Variants in PRKACB observed in about 807,000 individuals in gnomAD.
The protein encoded by PRKACB is cAMP-dependent protein kinase catalytic subunit beta.
In PRKACB, 16 loss-of-function variants were observed where a neutral mutation model predicts 51.4. The ratio of observed to expected loss-of-function variants is 0.31; its 90% CI spans 0.21 to 0.47. The LOEUF (loss-of-function observed/expected upper bound fraction) is 0.47, where lower values mean the gene tolerates loss of function less well. PRKACB is among the 20% of genes least tolerant of loss of function. PRKACB has a pLI of 1.00. For missense variants in PRKACB, 309 were observed against 464.5 expected, an observed-to-expected ratio of 0.67 and a Z score of 3.08; for synonymous variants, 147 against 154.4, an observed-to-expected ratio of 0.95 and a Z score of 0.35.
At chr1:84,180,381 G>T (rs1663005053) in intron 2 of PRKACB, among the ~76,000 whole-genome samples, 1 of 150,738 alleles carries the variant, frequency 6.6e-6, no homozygotes, top group Admixed American at 6.6e-5. Context: ...GGACACAAAG[G>T]CATAAGAATG....
At chr1:84,083,240 C>G (rs557263195) in intron 1 of PRKACB, among the ~76,000 whole-genome samples, 3 of 152,126 alleles carry the variant, frequency 2.0e-5, no homozygotes, top group African/African-American at 7.2e-5. Context: ...CTGGGGAAGT[C>G]TTTCTTGGGT....
chr1:84,151,909 C>A (rs941324996), intron 1 of PRKACB, among the ~76,000 whole-genome samples: 3 of 152,160 alleles, frequency 2.0e-5, no homozygotes, highest in Admixed American at 1.3e-4. Flanking sequence ...ATATTCTGAC[C>A]TCCTCCCATA....
intron 8 of PRKACB, among the ~76,000 whole-genome samples, chr1:84,205,877 T>A (rs2101500510): frequency 6.6e-6 from 1 of 152,202 alleles, no homozygotes; most frequent in South Asian, 2.1e-4. Flanking sequence ...GTCTACAAAT[T>A]CATAGTTGAA....
intron 1 of PRKACB, among the ~76,000 whole-genome samples, chr1:84,151,881 A>C (rs1209129000): frequency 6.6e-6 from 1 of 152,174 alleles, no homozygotes; most frequent in Non-Finnish European, 1.5e-5. Context: ...AACTTCTTCC[A>C]AACTCCTGTT....
chr1:84,200,928 A>G (rs1464990485), intron 7 of PRKACB, among the ~76,000 whole-genome samples: 2 of 152,134 alleles, frequency 1.3e-5, no homozygotes, highest in East Asian at 1.9e-4. Flanking sequence ...TAAATGTACC[A>G]TAAAATATGT....
At chr1:84,192,756 T>C (rs978430792) in intron 5 of PRKACB, among the ~76,000 whole-genome samples, 7 of 152,194 alleles carry the variant, frequency 4.6e-5, no homozygotes, top group Admixed American at 2.6e-4. Context: ...CTTTTAGTTT[T>C]GTTGTAAGAA....
chr1:84,078,122 CTGCTGCTGCCGG>C (rs1453088753), upstream of PRKACB: 28 of 488,010 alleles, frequency 5.7e-5, no homozygotes, highest in Non-Finnish European at 9.5e-5. Flanking sequence ...GCCGCCGCCG[CTGCTGCTGCCGG>C]TGCTAAGGAG....
chr1:84,184,577 TACC>T (rs1664535924), intron 4 of PRKACB, among the ~76,000 whole-genome samples: 1 of 151,932 alleles, frequency 6.6e-6, no homozygotes, highest in Admixed American at 6.6e-5. Context: ...TGAAAAATTG[TACC>T]ACATTTATTA....
At chr1:84,181,580 A>T (rs1663485469) in intron 2 of PRKACB, 3 of 866,316 alleles carry the variant, frequency 3.5e-6, no homozygotes, top group Non-Finnish European at 4.7e-6. Flanking sequence ...AGAATGAGGA[A>T]CTCTTCTTTC....
rs1258371000 is a variant in PRKACB at position 84,237,387 on chromosome 1, A to G, written c.*2082A>G. The G allele has an allele frequency of 6.6e-6, 1 of 152,602 alleles. No individual in the cohort carries two copies. The highest frequency in any genetic ancestry group is 1.5e-5 in the Non-Finnish European group (1 of 67,986). 9.5% of individuals were successfully genotyped at this position (152,602 alleles called of 1,614,324 possible). ...ATGGGGATGACAATTTGATTATTAC[A>G]ATTTAGTTTTCAGTAATCAAAAAGA... On this transcript the variant is annotated 3_prime_UTR_variant, in exon 10 of 10. Coordinates refer to ENST00000370685, the MANE Select transcript of PRKACB (RefSeq NM_182948.4).
chr1:84,199,098 CATATATGTATATATATGCATATATAT>C (rs1286682722), intron 7 of PRKACB, among the ~76,000 whole-genome samples: 14 of 79,562 alleles, frequency 1.8e-4, no homozygotes, highest in Non-Finnish European at 3.1e-4. Context: ...CGTATATATG[CATATATGTATATATATGCATATATAT>C]ATATATATAC....
chr1:84,122,779 A>T (rs1438117496), intron 1 of PRKACB, among the ~76,000 whole-genome samples: 3 of 152,098 alleles, frequency 2.0e-5, no homozygotes, highest in African/African-American at 7.2e-5. Flanking sequence ...GGGAAAATGG[A>T]TATTAGTTTC....
chr1:84,169,246 A>C (rs1658570766), intron 1 of PRKACB, among the ~76,000 whole-genome samples: 1 of 151,648 alleles, frequency 6.6e-6, no homozygotes, highest in Admixed American at 6.6e-5. Flanking sequence ...AGGAGAGTAT[A>C]AACACAAAAA....
intron 8 of PRKACB, among the ~76,000 whole-genome samples, chr1:84,212,455 T>A (rs955670466): frequency 3.3e-5 from 5 of 152,124 alleles, no homozygotes; most frequent in Non-Finnish European, 7.4e-5. Context: ...TTTGAGAACA[T>A]GAGAATGTAT....
intron 1 of PRKACB, among the ~76,000 whole-genome samples, chr1:84,121,551 T>G (rs1037393423): frequency 6.6e-6 from 1 of 152,138 alleles, no homozygotes; most frequent in Non-Finnish European, 1.5e-5. Flanking sequence ...GCCACTCCAT[T>G]AGCACCTGAC....
intron 9 of PRKACB, among the ~76,000 whole-genome samples, chr1:84,230,087 C>A (rs368144664): frequency 6.6e-6 from 1 of 151,524 alleles, no homozygotes; most frequent in South Asian, 2.1e-4. Context: ...AAGTCTTTAA[C>A]CCATCTTGAA....
At chr1:84,150,062 C>A (rs1287043451) in intron 1 of PRKACB, among the ~76,000 whole-genome samples, 2 of 151,914 alleles carry the variant, frequency 1.3e-5, no homozygotes, top group African/African-American at 2.4e-5. Context: ...GTCAGGAGTT[C>A]AACAACAGCC....
At chr1:84,214,556 A>C (rs948948558) in intron 9 of PRKACB, among the ~76,000 whole-genome samples, 1 of 148,892 alleles carries the variant, frequency 6.7e-6, no homozygotes, top group Admixed American at 6.8e-5. Flanking sequence ...GCAGTGGCAC[A>C]ATCTCTGCTC....
chr1:84,229,783 A>G (rs374569726), intron 9 of PRKACB, among the ~76,000 whole-genome samples: 6 of 150,244 alleles, frequency 4.0e-5, no homozygotes, highest in African/African-American at 1.5e-4. Flanking sequence ...GGGGTTGTTT[A>G]TTTTTTTCTT....
Sources: gnomAD v4.1 joint callset for allele counts (sites outside exome capture counted in the v4.1 genomes callset) on GRCh38, gnomAD v4.1.1 for gene constraint, MANE v1.5 for transcripts, NCBI Gene and HGNC (gene_info 2026-07-23, HGNC 2026-07-21) for gene names.